The following ANKRD62 variants were observed in gnomAD, a reference collection of about 807,000 sequenced individuals.
ANKRD62 encodes the protein ankyrin repeat domain-containing protein 62.
In ANKRD62, 61 loss-of-function variants were observed where a neutral mutation model predicts 98.8. That is an observed-to-expected ratio of 0.62 (90% CI 0.50 to 0.76). The LOEUF (loss-of-function observed/expected upper bound fraction) is 0.76, where lower values mean the gene tolerates loss of function less well. ANKRD62 is among the 30% of genes least tolerant of loss of function. The pLI is 0.00. For missense variants in ANKRD62, 933 were observed against 1,082.9 expected, an observed-to-expected ratio of 0.86 and a Z score of 1.94; for synonymous variants, 341 against 367.9, an observed-to-expected ratio of 0.93 and a Z score of 0.84.
chr18:12,103,202 GA>G lies in ANKRD62; in HGVS notation c.867del (p.Gly290AspfsTer13). ...ATCAGAGGGAGAGCAAGAAAGGCTT[GA>G]AGGATGTGAAAGTAGCCAGCCACAG... ...MTSEGEQERL[E>X]GCESSQPQVE... On this transcript the variant is annotated frameshift_variant, in exon 7 of 14. Coordinates refer to ENST00000587848, the MANE Select transcript of ANKRD62 (RefSeq NM_001277333.2). LOFTEE classifies it high-confidence loss of function. The G allele has an allele frequency of 7.3e-7, 1 of 1,363,902 alleles. No homozygotes were observed. Among genetic ancestry groups the G allele is most frequent in the Non-Finnish European group, 9.5e-7 (1 of 1,049,706 alleles). The allele number at this position is 1,363,902 out of a possible 1,614,324, so 84.5% of individuals were successfully genotyped here. A position where few individuals can be genotyped will look rare whatever the true frequency, so the allele number is the denominator to read the frequency against.
chr18:12,140,929 T>G, the ANKRD62 span, among the ~76,000 whole-genome samples: 1 of 152,214 alleles, frequency 6.6e-6, no homozygotes, highest in African/African-American at 2.4e-5. Context: ...TGTCTTTTTT[T>G]TGTCTGTGCC....
At position 12,120,463 on chromosome 18, in the gene ANKRD62, G is replaced by A. The variant is rs527988996; in HGVS notation, c.1241-1840G>A. ...TTAATTGAACCATTTCTTCTCAGTA[G>A]TCTTCTGTCAAGTGTTAGCACGTAT... is the stretch of plus-strand genomic sequence containing the variant. On this transcript the variant is annotated intron_variant, in intron 10 of 13. Transcript: ENST00000587848. 3.3e-5 allele frequency among the ~76,000 whole-genome samples: 5 copies of A among 152,264 alleles called. No homozygotes were observed. The East Asian group carries it at 9.6e-4, about 29-fold the overall frequency.
At chr18:12,158,572 C>T in the ANKRD62 span, among the ~76,000 whole-genome samples, 7 of 151,948 alleles carry the variant, frequency 4.6e-5, no homozygotes, top group Non-Finnish European at 1.0e-4. Context: ...GTCGCCCTGG[C>T]TGGAGTGCAG....
At chr18:12,173,054 C>T in the ANKRD62 span, among the ~76,000 whole-genome samples, 2 of 152,232 alleles carry the variant, frequency 1.3e-5, no homozygotes, top group African/African-American at 4.8e-5. Flanking sequence ...GCTTGTGCTT[C>T]CTGGGTGACC....
chr18:12,173,038 CTGACTGCTTG>C, the ANKRD62 span, among the ~76,000 whole-genome samples: 1 of 152,254 alleles, frequency 6.6e-6, no homozygotes, highest in East Asian at 1.9e-4. Flanking sequence ...AGAGAATTCT[CTGACTGCTTG>C]TGCTTCCTGG....
At chr18:12,154,150 C>T in the ANKRD62 span, among the ~76,000 whole-genome samples, 2 of 152,094 alleles carry the variant, frequency 1.3e-5, no homozygotes, top group African/African-American at 2.4e-5. Context: ...GAGAAACTAT[C>T]AACAGAACAA....
chr18:12,126,082 T>G lies in ANKRD62; in HGVS notation c.2261T>G (p.Met754Arg). 1 of 1,535,982 alleles carries G rather than the reference T, an allele frequency of 6.5e-7. No homozygotes were observed. Among genetic ancestry groups the G allele is most frequent in the Non-Finnish European group, 8.7e-7 (1 of 1,146,770 alleles). The change falls in exon 13 of 14, where the codon ATG (methionine) becomes AGG (arginine). Residue 754 changes from methionine to arginine, a missense_variant. Coordinates refer to ENST00000587848, the MANE Select transcript of ANKRD62 (RefSeq NM_001277333.2). ...CGTCGATTGGAGGACATTGAACACA[T>G]GTACCAAAATGACCAACCTATTTTG... ...TQRRLEDIEH[M>R]YQNDQPILEK... is the part of the protein sequence containing the mutation.
Position 12,125,907 on chromosome 18 carries a change from A to C in ANKRD62, c.2086A>C (p.Asn696His). The C allele has an allele frequency of 6.5e-7, 1 of 1,540,808 alleles. No homozygotes were observed. Among genetic ancestry groups the C allele is most frequent in the South Asian group, 1.2e-5 (1 of 84,062 alleles). The change falls in exon 13 of 14, where the codon AAT becomes CAT. Residue 696 changes from asparagine (N) to histidine (H), a missense_variant. By Grantham distance (68) the Asn-to-His change is moderately conservative (BLOSUM62 1). Transcript: ENST00000587848. Reference sequence around the variant, plus strand: ...ATGGTGTCATTTACAAGAAGACACTAATTCTCACATTCAGATTCTTTCTCA... The same window carrying C: ...ATGGTGTCATTTACAAGAAGACACTCATTCTCACATTCAGATTCTTTCTCA... Reference protein sequence around the residue: ...NEWCHLQEDTNSHIQILSQQL... With the variant: ...NEWCHLQEDTHSHIQILSQQL...
intron 8 of ANKRD62, among the ~76,000 whole-genome samples, chr18:12,109,632 A>C (rs1195232109): frequency 6.6e-6 from 1 of 152,172 alleles, no homozygotes; most frequent in East Asian, 1.9e-4. Flanking sequence ...CCTTTATAAT[A>C]ATCTGAATAT....
Position 12,128,133 on chromosome 18 carries a change from C to T in ANKRD62, c.*194C>T, listed in dbSNP as rs1909931403. 6.4e-6 allele frequency: 2 copies of T among 313,640 alleles called. No homozygotes were observed. The highest frequency in any genetic ancestry group is 9.8e-5 in the Admixed American group (2 of 20,442). The allele number at this position is 313,640 out of a possible 1,614,324, so 19.4% of individuals were successfully genotyped here. ...CTTATGAAAGTTGAGAATTACACAT[C>T]ATTTCTCACAGAAGATTAGAGAATT... On this transcript the variant is annotated 3_prime_UTR_variant, in exon 14 of 14. Coordinates refer to ENST00000587848, the MANE Select transcript of ANKRD62 (RefSeq NM_001277333.2).
At chr18:12,138,821 T>C in the ANKRD62 span, among the ~76,000 whole-genome samples, 37 of 152,132 alleles carry the variant, frequency 2.4e-4, no homozygotes, top group Admixed American at 2.6e-4. Context: ...CTTTTTTGAT[T>C]TTTGTTGGTT....
chr18:12,105,613 T>C (rs899966137), intron 7 of ANKRD62, among the ~76,000 whole-genome samples: 4 of 152,206 alleles, frequency 2.6e-5, no homozygotes, highest in Non-Finnish European at 4.4e-5. Flanking sequence ...TCGTTTTTTT[T>C]CTCTTGACCA....
the ANKRD62 span, among the ~76,000 whole-genome samples, chr18:12,161,475 A>G: frequency 1.1e-5 from 1 of 90,264 alleles, no homozygotes; most frequent in Non-Finnish European, 2.6e-5. Context: ...CGTGCAATGC[A>G]TAATAGCATG....
intron 4 of ANKRD62, among the ~76,000 whole-genome samples, chr18:12,096,648 A>T (rs1354968895): frequency 6.6e-6 from 1 of 152,160 alleles, no homozygotes; most frequent in African/African-American, 2.4e-5. Flanking sequence ...CAATATTGAA[A>T]TTTCTTAACT....
downstream of ANKRD62, among the ~76,000 whole-genome samples, chr18:12,134,459 T>G (rs1032716191): frequency 2.0e-5 from 3 of 152,142 alleles, no homozygotes; most frequent in Non-Finnish European, 4.4e-5. Flanking sequence ...TGCGCCATGT[T>G]GGTGTGCTGC....
chr18:12,153,366 T>C, the ANKRD62 span, among the ~76,000 whole-genome samples: 2 of 151,446 alleles, frequency 1.3e-5, no homozygotes, highest in African/African-American at 4.8e-5. Flanking sequence ...CAAAGTGGGG[T>C]GAATCACTTA....
chr18:12,168,351 A>G, the ANKRD62 span, among the ~76,000 whole-genome samples: 93,075 of 151,794 alleles, frequency 0.61, 28,962 homozygotes, highest in Middle Eastern at 0.76. Flanking sequence ...CTTTCTACAT[A>G]TGGCTAGCCA....
chr18:12,139,864 T>C, the ANKRD62 span, among the ~76,000 whole-genome samples: 4 of 152,252 alleles, frequency 2.6e-5, no homozygotes, highest in Non-Finnish European at 5.9e-5. Context: ...TGTGGCATTC[T>C]CTGTATTTCC....
At chr18:12,163,108 T>C in the ANKRD62 span, among the ~76,000 whole-genome samples, 2 of 152,104 alleles carry the variant, frequency 1.3e-5, no homozygotes, top group African/African-American at 2.4e-5. Flanking sequence ...CTTTGGGTAG[T>C]GTGGACATTT....
Sources: gnomAD v4.1 joint callset for allele counts (sites outside exome capture counted in the v4.1 genomes callset) on GRCh38, gnomAD v4.1.1 for gene constraint, MANE v1.5 for transcripts, NCBI Gene and HGNC (gene_info 2026-07-23, HGNC 2026-07-21) for gene names.